The following ANK1 variants were observed in gnomAD, a reference collection of about 807,000 sequenced individuals.
The protein encoded by ANK1 is ankyrin 1.
ANK1 carries 51 observed loss-of-function variants against 210.4 expected under a neutral mutation model. The ratio of observed to expected loss-of-function variants is 0.24; its 90% CI spans 0.19 to 0.31. The LOEUF (loss-of-function observed/expected upper bound fraction) is 0.31, where lower values mean the gene tolerates loss of function less well. ANK1 is among the 10% of genes least tolerant of loss of function. ANK1 has a pLI of 1.00. For synonymous variants in ANK1, 967 were observed against 1,025.9 expected (o/e 0.94, Z 1.10); for missense variants, 2,051 against 2,504.4 (o/e 0.82, Z 3.86).
rs1804829309 is a variant in ANK1 at position 41,653,822 on chromosome 8, C to T, written c.*1968G>A. On this transcript the variant is annotated 3_prime_UTR_variant, in exon 43 of 43. Transcript: ENST00000289734. ...CCCTGCAGCTCCTCCGACGCAGCCT[C>T]GGGGAAACTCAGGCCCGGAGCTAGA... is the stretch of plus-strand genomic sequence containing the variant. The T allele has an allele frequency of 1.3e-5, 2 of 152,192 alleles. No individual in the cohort carries two copies. The highest frequency in any genetic ancestry group is 2.4e-5 in the African/African-American group (1 of 41,458). 9.4% of individuals were successfully genotyped at this position (152,192 alleles called of 1,614,324 possible). A position where few individuals can be genotyped will look rare whatever the true frequency, so the allele number is the denominator to read the frequency against.
At chr8:41,689,275 A>T (rs1278938872) in intron 33 of ANK1, among the ~76,000 whole-genome samples, 1 of 148,320 alleles carries the variant, frequency 6.7e-6, no homozygotes, top group African/African-American at 2.5e-5. Context: ...GGTGCATGCC[A>T]CCATGCCCAG....
chr8:41,823,444 T>C lies in ANK1; in HGVS notation c.127-65307A>G, dbSNP rs188477515. ...TATTTTCTAAATGTATTATGCAATG[T>C]TGAAGACATACAAAAATGAGTAAAG... On this transcript the variant is annotated intron_variant, in intron 1 of 42. Transcript: ENST00000265709. 1.6e-3 allele frequency among the ~76,000 whole-genome samples: 242 copies of C among 152,330 alleles called. 2 individuals are homozygous for C. The highest frequency in any genetic ancestry group is 6.8e-3 in the Middle Eastern group (2 of 294).
intron 1 of ANK1, among the ~76,000 whole-genome samples, chr8:41,870,698 C>T (rs1481964586): frequency 6.6e-6 from 1 of 152,218 alleles, no homozygotes; most frequent in African/African-American, 2.4e-5. Context: ...CAAAGCTGAG[C>T]TGGAAGAGGC....
At chr8:41,751,979 T>C (rs1386510423) in intron 2 of ANK1, among the ~76,000 whole-genome samples, 1 of 151,904 alleles carries the variant, frequency 6.6e-6, no homozygotes, top group East Asian at 1.9e-4. Flanking sequence ...GCCTCACTGT[T>C]CCCCCAAGCA....
intron 34 of ANK1, 103 bp from the exon 35 acceptor site, chr8:41,688,333 T>C (rs1586092379): frequency 2.7e-6 from 4 of 1,454,568 alleles, no homozygotes; most frequent in Non-Finnish European, 2.9e-6. Context: ...TGCACTGGGG[T>C]GATTGTCTAG....
intron 20 of ANK1, among the ~76,000 whole-genome samples, 168 bp downstream of exon 20, chr8:41,703,873 G>A (rs1232699913): frequency 6.6e-6 from 1 of 152,160 alleles, no homozygotes; most frequent in Non-Finnish European, 1.5e-5. Context: ...AAGAGGAACT[G>A]ATCACAGCAC....
At chr8:41,666,932 G>T (rs1033613164) in intron 39 of ANK1, among the ~76,000 whole-genome samples, 1 of 152,248 alleles carries the variant, frequency 6.6e-6, no homozygotes, top group African/African-American at 2.4e-5. Context: ...ATAATTGAGG[G>T]AGTTGGATGT....
intron 1 of ANK1, among the ~76,000 whole-genome samples, chr8:41,783,865 C>T (rs139568225): frequency 6.6e-6 from 1 of 152,236 alleles, no homozygotes; most frequent in African/African-American, 2.4e-5. Flanking sequence ...GAGTTTGCCA[C>T]CAGACTGGGC....
chr8:41,755,838 G>A (rs1196821914), intron 2 of ANK1, among the ~76,000 whole-genome samples: 1 of 152,196 alleles, frequency 6.6e-6, no homozygotes, highest in Non-Finnish European at 1.5e-5. Flanking sequence ...TCTGGGCTGT[G>A]GATATGTGGA....
intron 1 of ANK1, among the ~76,000 whole-genome samples, chr8:41,771,682 A>T (rs567876745): frequency 6.6e-6 from 1 of 152,308 alleles, no homozygotes; most frequent in African/African-American, 2.4e-5. Context: ...TCTGCAGACA[A>T]GCATAATGAA....
At chr8:41,883,741 T>C (rs892056829) in intron 1 of ANK1, among the ~76,000 whole-genome samples, 1 of 152,152 alleles carries the variant, frequency 6.6e-6, no homozygotes, top group Admixed American at 6.5e-5. Flanking sequence ...ATTACAGGCA[T>C]GAGCTACAGC....
chr8:41,725,099 C>T (rs1354377473), intron 6 of ANK1, among the ~76,000 whole-genome samples: 2 of 152,252 alleles, frequency 1.3e-5, no homozygotes, highest in African/African-American at 4.8e-5. Flanking sequence ...TGGGCTCAAA[C>T]CATCCTCCTG....
intron 37 of ANK1, among the ~76,000 whole-genome samples, chr8:41,681,933 G>C (rs1816191105): frequency 6.6e-6 from 1 of 152,182 alleles, no homozygotes; most frequent in African/African-American, 2.4e-5. Context: ...TGCCAGAGAG[G>C]GTGTCAGGGA....
chr8:41,714,894 T>C (rs1473931850), intron 15 of ANK1, 82 bp downstream of exon 15: 24 of 1,359,680 alleles, frequency 1.8e-5, no homozygotes, highest in African/African-American at 2.9e-5. Flanking sequence ...AGGCAAGAGA[T>C]GGAATCTGCA....
At chr8:41,720,333 T>TTGAATGAA (rs950705408) in intron 9 of ANK1, among the ~76,000 whole-genome samples, 3 of 152,168 alleles carry the variant, frequency 2.0e-5, no homozygotes, top group Non-Finnish European at 2.9e-5. Context: ...TTATGTGATT[T>TTGAATGAA]TGAATGAATG....
intron 1 of ANK1, among the ~76,000 whole-genome samples, chr8:41,894,747 G>T (rs1217276096): frequency 6.6e-6 from 1 of 152,012 alleles, no homozygotes; most frequent in African/African-American, 2.4e-5. Context: ...TCACATTCAC[G>T]CCAAGAAAGT....
chr8:41,737,415 G>A (rs761993589), intron 2 of ANK1, among the ~76,000 whole-genome samples: 5 of 152,196 alleles, frequency 3.3e-5, no homozygotes, highest in Non-Finnish European at 5.9e-5. Context: ...GGATCTGATT[G>A]TGACCTCGGC....
At chr8:41,827,688 ACACTCACACACACT>A (rs549529513) in intron 1 of ANK1, among the ~76,000 whole-genome samples, 791 of 47,900 alleles carry the variant, frequency 0.017, 15 homozygotes, top group Non-Finnish European at 0.028. Flanking sequence ...TCATATATAC[ACACTCACACACACT>A]CACACGCACA....
intron 1 of ANK1, among the ~76,000 whole-genome samples, chr8:41,763,613 G>A (rs1030141990): frequency 1.3e-4 from 20 of 152,134 alleles, no homozygotes; most frequent in South Asian, 2.1e-4. Flanking sequence ...ACAGGCTGGC[G>A]GCTGGGCAGG....
Sources: allele counts gnomAD v4.1 joint callset (sites outside exome capture counted in the v4.1 genomes callset), GRCh38; gene constraint gnomAD v4.1.1; transcripts MANE v1.5; gene names NCBI Gene and HGNC (gene_info 2026-07-23, HGNC 2026-07-21).